Variants in MOCOS observed in about 807,000 individuals in gnomAD.
MOCOS encodes the protein human molybdenum cofactor sulfurase.
MOCOS carries 86 observed loss-of-function variants against 83.6 expected under a neutral mutation model. The ratio of observed to expected loss-of-function variants is 1.03; its 90% CI spans 0.86 to 1.23. The LOEUF (loss-of-function observed/expected upper bound fraction) is 1.23, where lower values mean the gene tolerates loss of function less well. MOCOS is among the 50% of genes most tolerant of loss of function. The pLI is 0.00. For missense variants in MOCOS, 1,120 were observed against 1,126.9 expected (o/e 0.99, Z 0.09); for synonymous variants, 445 against 434.7 (o/e 1.02, Z -0.29).
intron 9 of MOCOS, among the ~76,000 whole-genome samples, chr18:36,245,071 A>T (rs2144133129): frequency 6.6e-6 from 1 of 152,174 alleles, no homozygotes; most frequent in African/African-American, 2.4e-5. Flanking sequence ...GTGGATTTTT[A>T]TCCATTCTGC....
intron 13 of MOCOS, among the ~76,000 whole-genome samples, chr18:36,264,940 A>G (rs2091676620): frequency 6.6e-6 from 1 of 152,262 alleles, no homozygotes; most frequent in African/African-American, 2.4e-5. Context: ...GAATTTATTC[A>G]GGAGTAAGCA....
intron 4 of MOCOS, 77 bp downstream of exon 4, chr18:36,200,401 A>C (rs2091408898): frequency 6.4e-7 from 1 of 1,565,868 alleles, no homozygotes; most frequent in Middle Eastern, 1.7e-4. Context: ...AGGATTATGC[A>C]AGAGGTGGGT....
chr18:36,199,115 T>G (rs16967529), intron 3 of MOCOS, among the ~76,000 whole-genome samples: 12,747 of 152,176 alleles, frequency 0.084, 690 homozygotes, highest in African/African-American at 0.14. Context: ...CATAAGAAGT[T>G]TTATTAGGCA....
intron 9 of MOCOS, among the ~76,000 whole-genome samples, chr18:36,241,215 A>G (rs974884747): frequency 3.3e-5 from 5 of 152,224 alleles, no homozygotes; most frequent in Admixed American, 2.6e-4. Flanking sequence ...TCCACAGTCC[A>G]AAGTCTCATC....
At chr18:36,203,920 G>T (rs1042045541) in intron 5 of MOCOS, among the ~76,000 whole-genome samples, 2 of 152,190 alleles carry the variant, frequency 1.3e-5, no homozygotes, top group African/African-American at 4.8e-5. Flanking sequence ...TCCAAGGAAA[G>T]ATATTAACAG....
rs767862797 is a variant in MOCOS at position 36,260,187 on chromosome 18, G to A, written c.2409+12G>A. Reference sequence around the variant, plus strand: ...CTTTGCGTTTCCAGGTAAGTTTGGGGAAGTTCTATTATCCTTCCTCCAGGG... The same window carrying A: ...CTTTGCGTTTCCAGGTAAGTTTGGGAAAGTTCTATTATCCTTCCTCCAGGG... On this transcript the variant is annotated intron_variant, in intron 13 of 14. Coordinates refer to ENST00000261326, the MANE Select transcript of MOCOS (RefSeq NM_017947.4). 1.2e-6 allele frequency: 2 copies of A among 1,613,972 alleles called. No individual in the cohort carries two copies. The highest frequency in any genetic ancestry group is 2.7e-5 in the African/African-American group (2 of 74,904).
rs199805967 is a variant in MOCOS, at chr18:36,213,519, C to T, written c.1335+37C>T. ...GCTCTGCGATCCAGACGCTGGTCAG[C>T]GAGACCCAGCAACACCTGTTGCTGC... is the stretch of plus-strand genomic sequence containing the variant. On this transcript the variant is annotated intron_variant, in intron 7 of 14. Transcript: ENST00000261326. 7.2e-4 allele frequency: 1,123 copies of T among 1,553,608 alleles called. 4 individuals carry two copies. Among genetic ancestry groups the T allele is most frequent in the Non-Finnish European group, 8.7e-4 (981 of 1,126,716 alleles).
chr18:36,248,048 T>C (rs1320244719), intron 9 of MOCOS, among the ~76,000 whole-genome samples: 1 of 152,206 alleles, frequency 6.6e-6, no homozygotes. Flanking sequence ...ATGATGGCTG[T>C]ACTAATTCAC....
intron 9 of MOCOS, among the ~76,000 whole-genome samples, chr18:36,221,492 G>A (rs959843193): frequency 1.3e-5 from 2 of 152,038 alleles, no homozygotes; most frequent in African/African-American, 2.4e-5. Context: ...ATTTCCTGTG[G>A]ACCTCTCCTG....
chr18:36,248,104 AC>A (rs1469655929), intron 9 of MOCOS, among the ~76,000 whole-genome samples: 1 of 152,054 alleles, frequency 6.6e-6, no homozygotes, highest in Non-Finnish European at 1.5e-5. Context: ...CTGCATCCTC[AC>A]CAGCATTTGT....
intron 6 of MOCOS, among the ~76,000 whole-genome samples, chr18:36,206,580 A>G (rs755065066): frequency 6.6e-4 from 100 of 152,196 alleles, no homozygotes; most frequent in Non-Finnish European, 9.4e-4. Flanking sequence ...CAGGGGATAC[A>G]TGTGCAGGCC....
Position 36,260,143 on chromosome 18 carries a change from G to T in MOCOS, c.2377G>T (p.Asp793Tyr). Residue 793 changes from aspartate to tyrosine, a missense_variant, in exon 13 of 15, where the codon GAT becomes TAT. Transcript: ENST00000261326. ...AAGGGCTTTTGAAGAAGAGAAATGG[G>T]ATGAGATTTCAATTGGCTCTTTGCG... is the stretch of plus-strand genomic sequence containing the variant. ...GKRAFEEEKW[D>Y]EISIGSLRFQ... is the part of the protein sequence containing the mutation. The T allele has an allele frequency of 1.9e-6, 3 of 1,614,192 alleles. No homozygotes were observed. Among genetic ancestry groups the T allele is most frequent in the Non-Finnish European group, 2.5e-6 (3 of 1,180,032 alleles).
At chr18:36,256,730 C>T in intron 11 of MOCOS, 1 of 445,948 alleles carries the variant, frequency 2.2e-6, no homozygotes, top group Non-Finnish European at 4.2e-6. Flanking sequence ...GCCACTGTGC[C>T]CAGCCCTTAT....
intron 13 of MOCOS, among the ~76,000 whole-genome samples, chr18:36,262,550 G>GT (rs2091667750): frequency 6.6e-6 from 1 of 152,114 alleles, no homozygotes; most frequent in African/African-American, 2.4e-5. Flanking sequence ...CCAGGCTAGA[G>GT]TACAGTGGTG....
intron 11 of MOCOS, among the ~76,000 whole-genome samples, chr18:36,254,458 CTGTGTGTGTGTGTGTGTG>C (rs60813321): frequency 1.4e-5 from 2 of 138,864 alleles, no homozygotes; most frequent in African/African-American, 2.7e-5. Flanking sequence ...TACATTATCT[CTGTGTGTGTGTGTGTGTG>C]TGTGTGTGTG....
At chr18:36,238,581 G>T (rs1488255713) in intron 9 of MOCOS, among the ~76,000 whole-genome samples, 1 of 147,726 alleles carries the variant, frequency 6.8e-6, no homozygotes, top group Non-Finnish European at 1.5e-5. Context: ...GAATAGGTGT[G>T]GTGTGGTGCT....
chr18:36,268,421 A>G (rs2144162588), intron 14 of MOCOS, 112 bp from the exon 15 acceptor site: 2 of 1,319,704 alleles, frequency 1.5e-6, no homozygotes, highest in Non-Finnish European at 2.2e-6. Context: ...AAGTCTCAGT[A>G]TATGTCTTTA....
intron 9 of MOCOS, among the ~76,000 whole-genome samples, chr18:36,247,894 G>A (rs1007673555): frequency 6.6e-6 from 1 of 152,208 alleles, no homozygotes; most frequent in Non-Finnish European, 1.5e-5. Context: ...CTAACTGGGA[G>A]CTGTACATTA....
At chr18:36,259,474 G>T (rs1476209412) in intron 12 of MOCOS, among the ~76,000 whole-genome samples, 1 of 136,934 alleles carries the variant, frequency 7.3e-6, no homozygotes, top group African/African-American at 2.7e-5. Flanking sequence ...AAAGGTATCA[G>T]AAAAATAGCA....
Sources: gnomAD v4.1 joint callset for allele counts (sites outside exome capture counted in the v4.1 genomes callset) on GRCh38, gnomAD v4.1.1 for gene constraint, MANE v1.5 for transcripts, NCBI Gene and HGNC (gene_info 2026-07-23, HGNC 2026-07-21) for gene names.